The following FHIT variants were observed in gnomAD, a reference collection of about 807,000 sequenced individuals.
The protein encoded by FHIT is fragile histidine triad diadenosine triphosphatase.
In FHIT, 19 loss-of-function variants were observed where a neutral mutation model predicts 17.9. The ratio of observed to expected loss-of-function variants is 1.06; its 90% confidence interval spans 0.74 to 1.56. FHIT has a LOEUF of 1.56. Among genes scored for constraint, FHIT ranks in the 40% most tolerant of loss-of-function variants. FHIT has a pLI of 0.00. For missense variants in FHIT, 248 were observed against 189.2 expected (o/e 1.31, Z -1.82); for synonymous variants, 81 against 69.7 (o/e 1.16, Z -0.81).
intron 5 of FHIT, among the ~76,000 whole-genome samples, chr3:60,425,409 C>T (rs145260033): frequency 1.5e-4 from 23 of 152,266 alleles, no homozygotes; most frequent in African/African-American, 5.3e-4. Context: ...GATTCTCTCC[C>T]ACCCTGGGCC....
At chr3:59,970,462 C>G (rs964979510) in intron 7 of FHIT, among the ~76,000 whole-genome samples, 1 of 151,948 alleles carries the variant, frequency 6.6e-6, no homozygotes, top group Non-Finnish European at 1.5e-5. Context: ...CACCAGTTCC[C>G]CCTGGTTATT....
intron 5 of FHIT, among the ~76,000 whole-genome samples, chr3:60,532,419 G>A (rs945841476): frequency 9.2e-5 from 14 of 152,154 alleles, no homozygotes; most frequent in African/African-American, 3.1e-4. Flanking sequence ...CAAAGGGAGT[G>A]GGGGTAAGGA....
intron 5 of FHIT, among the ~76,000 whole-genome samples, chr3:60,217,058 C>G (rs1368139809): frequency 6.6e-6 from 1 of 152,122 alleles, no homozygotes; most frequent in Non-Finnish European, 1.5e-5. Flanking sequence ...CAAGTAATGG[C>G]TATATTAAAG....
intron 5 of FHIT, among the ~76,000 whole-genome samples, chr3:60,079,726 G>A (rs1019345997): frequency 5.9e-5 from 9 of 152,048 alleles, no homozygotes; most frequent in Non-Finnish European, 1.0e-4. Flanking sequence ...CACCTGTCAA[G>A]TTTTAAGTTT....
intron 5 of FHIT, among the ~76,000 whole-genome samples, chr3:60,273,070 A>G (rs213344): frequency 0.19 from 28,158 of 152,148 alleles, 2,791 homozygotes; most frequent in South Asian, 0.35. Context: ...GTTTCTTACA[A>G]CATTAGGCTC....
intron 4 of FHIT, among the ~76,000 whole-genome samples, chr3:60,733,574 C>T (rs932034967): frequency 1.1e-4 from 17 of 152,162 alleles, no homozygotes; most frequent in Admixed American, 2.0e-4. Context: ...TTCCACCAAC[C>T]GATGCCCATC....
At chr3:60,138,394 T>C (rs984099942) in intron 5 of FHIT, among the ~76,000 whole-genome samples, 1 of 152,160 alleles carries the variant, frequency 6.6e-6, no homozygotes, top group Non-Finnish European at 1.5e-5. Flanking sequence ...ACACATTGTC[T>C]CTCCTCTTTG....
intron 2 of FHIT, among the ~76,000 whole-genome samples, chr3:61,050,061 A>T (rs566389256): frequency 6.6e-6 from 1 of 152,238 alleles, no homozygotes; most frequent in South Asian, 2.1e-4. Flanking sequence ...CTAGCATAAA[A>T]AGTACACGGT....
chr3:61,070,721 A>G (rs1377308401), intron 2 of FHIT, among the ~76,000 whole-genome samples: 8 of 152,162 alleles, frequency 5.3e-5, no homozygotes, highest in Non-Finnish European at 1.2e-4. Flanking sequence ...CCCCTGAAAT[A>G]CATAATACTA....
At chr3:61,203,262 T>C (rs1182646545) in intron 1 of FHIT, among the ~76,000 whole-genome samples, 1 of 148,172 alleles carries the variant, frequency 6.7e-6, no homozygotes, top group Non-Finnish European at 1.5e-5. Flanking sequence ...GGCAGGAGAA[T>C]AGCTTGAACC....
At chr3:60,091,519 A>T (rs963151890) in intron 5 of FHIT, among the ~76,000 whole-genome samples, 9 of 152,100 alleles carry the variant, frequency 5.9e-5, no homozygotes, top group Non-Finnish European at 1.3e-4. Flanking sequence ...CACTCTTATA[A>T]AGAAGAGACT....
At chr3:60,899,576 C>G (rs906065849) in intron 3 of FHIT, among the ~76,000 whole-genome samples, 7 of 152,144 alleles carry the variant, frequency 4.6e-5, no homozygotes, top group African/African-American at 1.7e-4. Context: ...GAAACCTGCT[C>G]CTAAAACTGG....
chr3:59,772,344 T>TA (rs1702110801), intron 8 of FHIT, among the ~76,000 whole-genome samples: 1 of 152,246 alleles, frequency 6.6e-6, no homozygotes, highest in African/African-American at 2.4e-5. Flanking sequence ...GCCTCACCTT[T>TA]TCTGAAGGAT....
intron 3 of FHIT, among the ~76,000 whole-genome samples, chr3:60,897,260 A>G (rs941644889): frequency 1.3e-5 from 2 of 152,226 alleles, no homozygotes; most frequent in African/African-American, 4.8e-5. Context: ...ATATTTTCAT[A>G]TACTTAAGGA....
At chr3:60,293,638 C>T (rs924525400) in intron 5 of FHIT, among the ~76,000 whole-genome samples, 6 of 151,684 alleles carry the variant, frequency 4.0e-5, no homozygotes, top group South Asian at 2.1e-4. Context: ...GAAAATGAAA[C>T]GGTCCCTTGT....
At chr3:60,936,985 T>A (rs1035504402) in intron 3 of FHIT, among the ~76,000 whole-genome samples, 1 of 128,452 alleles carries the variant, frequency 7.8e-6, no homozygotes, top group Non-Finnish European at 1.7e-5. Context: ...AGCAAAGGGA[T>A]GTAATCAACA....
intron 5 of FHIT, among the ~76,000 whole-genome samples, chr3:60,234,606 T>A (rs1704673783): frequency 6.6e-6 from 1 of 152,222 alleles, no homozygotes; most frequent in Admixed American, 6.5e-5. Flanking sequence ...AAGTCTTAGC[T>A]GGTGTTAAAC....
chr3:60,827,338 G>A (rs782320204), intron 3 of FHIT, among the ~76,000 whole-genome samples: 16 of 152,196 alleles, frequency 1.1e-4, no homozygotes, highest in Non-Finnish European at 1.5e-4. Flanking sequence ...GGCACCAGTA[G>A]AATGCTGGCT....
intron 5 of FHIT, among the ~76,000 whole-genome samples, chr3:60,352,923 G>C (rs1699481279): frequency 6.6e-6 from 1 of 152,150 alleles, no homozygotes; most frequent in African/African-American, 2.4e-5. Flanking sequence ...CGCATTCTCA[G>C]TGTGGGGGAT....
Sources: allele counts gnomAD v4.1 joint callset (sites outside exome capture counted in the v4.1 genomes callset), GRCh38; gene constraint gnomAD v4.1.1; transcripts MANE v1.5; gene names NCBI Gene and HGNC (gene_info 2026-07-23, HGNC 2026-07-21).